The following KLHL32 variants were observed in gnomAD, a reference collection of about 807,000 sequenced individuals.
The protein encoded by KLHL32 is kelch-like protein 32.
Under a neutral mutation model 64.8 loss-of-function variants are expected in KLHL32, and 35 were observed. The observed-to-expected ratio is 0.54, with a 90% confidence interval of 0.41 to 0.72. The LOEUF is 0.72. Among genes scored for constraint, KLHL32 ranks in the 30% least tolerant of loss-of-function variants. The pLI, the probability that KLHL32 is intolerant of heterozygous loss-of-function variation, is 0.00. For missense variants in KLHL32, 589 were observed against 768.5 expected, an observed-to-expected ratio of 0.77 and a Z score of 2.76; for synonymous variants, 259 against 281.0, an observed-to-expected ratio of 0.92 and a Z score of 0.78.
intron 6 of KLHL32, among the ~76,000 whole-genome samples, chr6:97,105,958 C>G (rs1796355866): frequency 6.6e-6 from 1 of 152,046 alleles, no homozygotes; most frequent in South Asian, 2.1e-4. Context: ...TTTGGGATGT[C>G]TTCATAATTA....
intron 2 of KLHL32, among the ~76,000 whole-genome samples, chr6:96,968,200 G>T (rs1241651342): frequency 6.6e-6 from 1 of 152,078 alleles, no homozygotes; most frequent in Non-Finnish European, 1.5e-5. Flanking sequence ...CTCAATCAGT[G>T]ATTCTCAATG....
chr6:96,898,938 G>A, the KLHL32 span, among the ~76,000 whole-genome samples: 16 of 152,122 alleles, frequency 1.1e-4, no homozygotes, highest in African/African-American at 3.6e-4. Context: ...AAGTAGAGTG[G>A]ATGTTTTTAA....
intron 3 of KLHL32, among the ~76,000 whole-genome samples, chr6:97,036,398 CT>C (rs1321531263): frequency 6.6e-6 from 1 of 152,092 alleles, no homozygotes; most frequent in African/African-American, 2.4e-5. Flanking sequence ...TATCATATTC[CT>C]TTAGTGGTGT....
intron 5 of KLHL32, among the ~76,000 whole-genome samples, chr6:97,078,730 G>A (rs1422122388): frequency 6.6e-6 from 1 of 152,108 alleles, no homozygotes; most frequent in Non-Finnish European, 1.5e-5. Flanking sequence ...TGTTTTGAAG[G>A]GTGCCTCATC....
At chr6:97,103,897 C>T (rs151164153) in intron 6 of KLHL32, among the ~76,000 whole-genome samples, 262 of 152,310 alleles carry the variant, frequency 1.7e-3, no homozygotes, top group African/African-American at 6.1e-3. Flanking sequence ...GAGAATTCTA[C>T]TTTAAAATAT....
chr6:97,133,913 A>G (rs1451538460), intron 10 of KLHL32, among the ~76,000 whole-genome samples: 1 of 152,196 alleles, frequency 6.6e-6, no homozygotes, highest in African/African-American at 2.4e-5. Flanking sequence ...GTCATGTACT[A>G]GGGTTAGGGT....
chr6:97,093,236 C>T (rs952736486), intron 6 of KLHL32, among the ~76,000 whole-genome samples: 4 of 152,266 alleles, frequency 2.6e-5, no homozygotes, highest in African/African-American at 9.6e-5. Flanking sequence ...CTGAGGCTAG[C>T]GTAGAAGTCC....
At chr6:97,016,123 A>G (rs889225331) in intron 3 of KLHL32, among the ~76,000 whole-genome samples, 1 of 152,242 alleles carries the variant, frequency 6.6e-6, no homozygotes, top group African/African-American at 2.4e-5. Flanking sequence ...GCAGAAGGGA[A>G]ATGTGGGGTC....
At chr6:96,942,656 T>G (rs192576688) in intron 1 of KLHL32, among the ~76,000 whole-genome samples, 171 of 66,548 alleles carry the variant, frequency 2.6e-3, no homozygotes, top group African/African-American at 5.9e-3. Flanking sequence ...AGCTGTGGGG[T>G]GTGTGTGTGT....
Position 97,127,401 on chromosome 6 carries a change from C to T in KLHL32, c.1355-3C>T, listed in dbSNP as rs551038928. 1.2e-6 allele frequency: 2 copies of T among 1,609,324 alleles called. No homozygotes were observed. The highest frequency in any genetic ancestry group is 4.5e-5 in the East Asian group (2 of 44,814). ...AGCTCTAACACATGTTAATCCATTACAGGTGGAGTAACTAATACGGCACAA... is the reference window on the plus strand; with the variant it reads ...AGCTCTAACACATGTTAATCCATTATAGGTGGAGTAACTAATACGGCACAA... On this transcript the variant is annotated splice_polypyrimidine_tract_variant and splice_region_variant and intron_variant, in intron 7 of 10. Coordinates refer to ENST00000369261, the MANE Select transcript of KLHL32 (RefSeq NM_052904.4).
At chr6:96,913,688 G>A in the KLHL32 span, among the ~76,000 whole-genome samples, 1 of 152,164 alleles carries the variant, frequency 6.6e-6, no homozygotes, top group South Asian at 2.1e-4. Context: ...TTCATAGTTG[G>A]AGAAAAATTT....
intron 3 of KLHL32, among the ~76,000 whole-genome samples, chr6:96,982,438 G>A (rs1410807495): frequency 1.3e-5 from 2 of 152,048 alleles, no homozygotes; most frequent in Non-Finnish European, 2.9e-5. Context: ...GAGCCTTTGG[G>A]GGTCATTGCA....
chr6:97,079,892 A>T (rs968759821), intron 5 of KLHL32, among the ~76,000 whole-genome samples: 3 of 152,196 alleles, frequency 2.0e-5, no homozygotes, highest in Admixed American at 6.5e-5. Context: ...ATTTTCTTTT[A>T]CTCAAGAGAG....
intron 7 of KLHL32, among the ~76,000 whole-genome samples, chr6:97,115,416 C>T (rs1037406285): frequency 3.9e-5 from 6 of 152,220 alleles, no homozygotes; most frequent in Admixed American, 1.3e-4. Context: ...ACTGATGGTA[C>T]AGTTTGAGCT....
At chr6:96,987,974 A>T (rs1404342956) in intron 3 of KLHL32, among the ~76,000 whole-genome samples, 2 of 152,230 alleles carry the variant, frequency 1.3e-5, no homozygotes, top group Admixed American at 6.5e-5. Flanking sequence ...AAAGACTTAC[A>T]TGTTAGACCT....
chr6:96,927,061 A>C (rs1769252736), intron 1 of KLHL32, among the ~76,000 whole-genome samples: 1 of 152,226 alleles, frequency 6.6e-6, no homozygotes, highest in African/African-American at 2.4e-5. Context: ...TTTTTCAATA[A>C]ACAGGTTCAA....
At chr6:96,973,973 C>T (rs912080634) in intron 2 of KLHL32, among the ~76,000 whole-genome samples, 5 of 152,092 alleles carry the variant, frequency 3.3e-5, no homozygotes, top group African/African-American at 1.2e-4. Flanking sequence ...CCACCTGCCT[C>T]AGCCTGCCAA....
intron 6 of KLHL32, among the ~76,000 whole-genome samples, chr6:97,101,054 C>T (rs1795665218): frequency 7.0e-6 from 1 of 142,628 alleles, no homozygotes; most frequent in Non-Finnish European, 1.5e-5. Flanking sequence ...GCAATCCTCC[C>T]ACCTCGGCCT....
At chr6:96,939,342 T>A (rs2127997957) in intron 1 of KLHL32, among the ~76,000 whole-genome samples, 1 of 152,368 alleles carries the variant, frequency 6.6e-6, no homozygotes, top group Middle Eastern at 3.4e-3. Context: ...CAAAGGCTGA[T>A]GAGTCAGTGG....
Sources: gnomAD v4.1 joint callset for allele counts (sites outside exome capture counted in the v4.1 genomes callset) on GRCh38, gnomAD v4.1.1 for gene constraint, MANE v1.5 for transcripts, NCBI Gene and HGNC (gene_info 2026-07-23, HGNC 2026-07-21) for gene names.